GRIK2: variants seen among roughly 807,000 people sequenced by gnomAD.
GRIK2 encodes glutamate receptor ionotropic, kainate 2.
In GRIK2, 32 loss-of-function variants were observed where a neutral mutation model predicts 100.3. That is an observed-to-expected ratio of 0.32 (90% CI 0.24 to 0.43). The LOEUF (loss-of-function observed/expected upper bound fraction) is 0.43, where lower values mean the gene tolerates loss of function less well. Among genes scored for constraint, GRIK2 ranks in the 20% least tolerant of loss-of-function variants. GRIK2 has a pLI of 1.00. For synonymous variants in GRIK2, 417 were observed against 389.4 expected (o/e 1.07, Z -0.83); for missense variants, 843 against 1,114.9 (o/e 0.76, Z 3.47).
At chr6:102,005,509 A>G (rs946526720) in intron 14 of GRIK2, among the ~76,000 whole-genome samples, 1 of 152,178 alleles carries the variant, frequency 6.6e-6, no homozygotes, top group Admixed American at 6.6e-5. Flanking sequence ...AGTCTTATGC[A>G]TAACCCTGAG....
At chr6:101,998,620 C>T (rs1794767294) in intron 14 of GRIK2, among the ~76,000 whole-genome samples, 1 of 151,828 alleles carries the variant, frequency 6.6e-6, no homozygotes, top group Admixed American at 6.6e-5. Context: ...AAAAATGGTT[C>T]TAAGATTCAT....
At chr6:101,946,973 G>T (rs1484248913) in intron 14 of GRIK2, among the ~76,000 whole-genome samples, 1 of 151,754 alleles carries the variant, frequency 6.6e-6, no homozygotes, top group African/African-American at 2.4e-5. Context: ...GTTCAAAAAG[G>T]GCTCCTAGGA....
At chr6:101,453,637 A>C (rs367967009) in intron 2 of GRIK2, among the ~76,000 whole-genome samples, 11 of 152,092 alleles carry the variant, frequency 7.2e-5, no homozygotes, top group East Asian at 3.9e-4. Flanking sequence ...TGATACATTT[A>C]AATTCTTAAC....
intron 2 of GRIK2, among the ~76,000 whole-genome samples, chr6:101,448,704 A>T (rs1770506808): frequency 6.6e-6 from 1 of 151,638 alleles, no homozygotes; most frequent in South Asian, 2.1e-4. Flanking sequence ...ATTGGCAAGA[A>T]GTCACAGATA....
intron 2 of GRIK2, among the ~76,000 whole-genome samples, chr6:101,609,159 C>T (rs559711607): frequency 1.4e-4 from 21 of 151,758 alleles, no homozygotes; most frequent in African/African-American, 4.6e-4. Context: ...ATCTGCAATT[C>T]GAATTTCCAC....
At chr6:101,564,704 A>C (rs555191253) in intron 2 of GRIK2, among the ~76,000 whole-genome samples, 1 of 152,260 alleles carries the variant, frequency 6.6e-6, no homozygotes, top group East Asian at 1.9e-4. Context: ...CTTCTTCATC[A>C]TATTATTCCT....
intron 7 of GRIK2, among the ~76,000 whole-genome samples, chr6:101,751,633 A>G (rs1481420445): frequency 2.6e-5 from 4 of 152,184 alleles, no homozygotes; most frequent in Non-Finnish European, 4.4e-5. Flanking sequence ...TTTTTGGAAT[A>G]GGGATTCAAA....
chr6:101,737,177 C>A (rs1277426783), intron 7 of GRIK2, among the ~76,000 whole-genome samples: 1 of 152,156 alleles, frequency 6.6e-6, no homozygotes, highest in South Asian at 2.1e-4. Flanking sequence ...AACTTTCCCA[C>A]ATTTTCCTGT....
At chr6:102,020,961 T>C (rs1162270348) in intron 14 of GRIK2, among the ~76,000 whole-genome samples, 1 of 151,810 alleles carries the variant, frequency 6.6e-6, no homozygotes, top group African/African-American at 2.4e-5. Flanking sequence ...TATGTACATA[T>C]TTGAGAATAT....
chr6:101,517,935 A>C (rs1408857318), intron 2 of GRIK2, among the ~76,000 whole-genome samples: 1 of 152,122 alleles, frequency 6.6e-6, no homozygotes, highest in Non-Finnish European at 1.5e-5. Context: ...GGTCTTTTAC[A>C]GCTCTCATAC....
chr6:102,035,439 C>G lies in GRIK2; in HGVS notation c.2184C>G (p.Val728=). Residue 728 remains valine, a synonymous_variant, in exon 15 of 17, where the codon GTC becomes GTG. Coordinates refer to ENST00000369134, the MANE Select transcript of GRIK2 (RefSeq NM_021956.5). ...GTAATGAAGAAGGAATCCAGCGAGTCCTCACCTCTGATTATGCTTTCCTAA... is the reference window on the plus strand; with the variant it reads ...GTAATGAAGAAGGAATCCAGCGAGTGCTCACCTCTGATTATGCTTTCCTAA... ...VKSNEEGIQR[V]LTSDYAFLME... The G allele has an allele frequency of 6.2e-7, 1 of 1,608,156 alleles. No individual in the cohort carries two copies. The highest frequency in any genetic ancestry group is 8.5e-7 in the Non-Finnish European group (1 of 1,175,544).
At chr6:101,399,831 G>T (rs941954054) in intron 2 of GRIK2, among the ~76,000 whole-genome samples, 1 of 152,222 alleles carries the variant, frequency 6.6e-6, no homozygotes, top group Non-Finnish European at 1.5e-5. Flanking sequence ...GCGCCTGTCC[G>T]CTTCCGCCAG....
intron 2 of GRIK2, among the ~76,000 whole-genome samples, chr6:101,433,376 C>A (rs973102277): frequency 2.0e-5 from 3 of 150,532 alleles, no homozygotes; most frequent in Non-Finnish European, 4.4e-5. Flanking sequence ...ACCTGCGTGA[C>A]GTGCAGCAAA....
At chr6:101,536,733 TATA>T (rs201201322) in intron 2 of GRIK2, among the ~76,000 whole-genome samples, 2,447 of 151,798 alleles carry the variant, frequency 0.016, 77 homozygotes, top group African/African-American at 0.057. Flanking sequence ...TATTTTGGAT[TATA>T]ATCAGATTAT....
intron 7 of GRIK2, among the ~76,000 whole-genome samples, chr6:101,721,087 A>G (rs1774447655): frequency 6.7e-6 from 1 of 150,330 alleles, no homozygotes; most frequent in East Asian, 1.9e-4. Flanking sequence ...TTTTAGAATG[A>G]TAAATTTTTA....
chr6:102,031,076 T>TACACACACAC lies in GRIK2; in HGVS notation c.2086-4222_2086-4213dup, dbSNP rs55900001. Among the ~76,000 whole-genome samples the TACACACACAC allele has an allele frequency of 3.6e-3, 426 of 118,388 alleles. 2 individuals are homozygous for TACACACACAC. The highest frequency in any genetic ancestry group is 6.8e-3 in the Admixed American group (74 of 10,840). The allele number at this position is 118,388 out of a possible 152,430, so 77.7% of individuals were successfully genotyped here. On this transcript the variant is annotated intron_variant, in intron 14 of 16. Coordinates refer to ENST00000369134, the MANE Select transcript of GRIK2 (RefSeq NM_021956.5). ...TCAATAATTACCAAGTATTATGCAT[T>TACACACACAC]ACACACACACACACACACACACACA...
chr6:101,433,400 A>G (rs1166754000), intron 2 of GRIK2, among the ~76,000 whole-genome samples: 3 of 152,116 alleles, frequency 2.0e-5, no homozygotes, highest in African/African-American at 7.2e-5. Context: ...CTTAACCTTA[A>G]TTTCTTCATC....
intron 9 of GRIK2, among the ~76,000 whole-genome samples, chr6:101,808,613 C>T (rs1781144554): frequency 6.6e-6 from 1 of 151,764 alleles, no homozygotes. Flanking sequence ...TCAAATTTTG[C>T]CAATCTGATT....
intron 2 of GRIK2, among the ~76,000 whole-genome samples, chr6:101,545,853 A>G (rs1776204225): frequency 6.6e-6 from 1 of 152,122 alleles, no homozygotes. Flanking sequence ...GCTGTATTAT[A>G]CATCTGATTT....
Sources: gnomAD v4.1 joint callset for allele counts (sites outside exome capture counted in the v4.1 genomes callset) on GRCh38, gnomAD v4.1.1 for gene constraint, MANE v1.5 for transcripts, NCBI Gene and HGNC (gene_info 2026-07-23, HGNC 2026-07-21) for gene names.